SPEN: variants seen among roughly 807,000 people sequenced by gnomAD.
SPEN encodes msx2-interacting protein.
Under a neutral mutation model 269.9 loss-of-function variants are expected in SPEN, and 18 were observed. The observed-to-expected ratio is 0.07, with a 90% CI of 0.05 to 0.10. The LOEUF is 0.10. SPEN is among the 10% of genes least tolerant of loss of function. The probability of loss-of-function intolerance (pLI) is 1.00; values close to 1 mark genes in which losing one functional copy is unlikely to be tolerated. For synonymous variants in SPEN, 1,726 were observed against 1,765.7 expected, an observed-to-expected ratio of 0.98 and a Z score of 0.56; for missense variants, 3,822 against 4,631.2, an observed-to-expected ratio of 0.83 and a Z score of 5.07.
chr1:15,850,885 A>C (rs2070329312), intron 1 of SPEN, among the ~76,000 whole-genome samples: 1 of 152,104 alleles, frequency 6.6e-6, no homozygotes, highest in Non-Finnish European at 1.5e-5. Context: ...TTAAGTGCCT[A>C]CTCTTATCCT....
chr1:15,920,051 C>CTT (rs201292788), intron 8 of SPEN, among the ~76,000 whole-genome samples: 1 of 145,588 alleles, frequency 6.9e-6, no homozygotes. Context: ...CTTGACAATG[C>CTT]TTTTTTTTTT....
intron 1 of SPEN, among the ~76,000 whole-genome samples, chr1:15,863,077 C>T (rs2070463691): frequency 6.6e-6 from 1 of 152,012 alleles, no homozygotes; most frequent in African/African-American, 2.4e-5. Flanking sequence ...CAGCACTTTT[C>T]CCATTCTCAG....
chr1:15,904,607 T>C (rs578026409), intron 3 of SPEN, among the ~76,000 whole-genome samples: 1 of 151,968 alleles, frequency 6.6e-6, no homozygotes, highest in East Asian at 1.9e-4. Context: ...TGTTTCAGAA[T>C]TGGTGTGGTA....
rs148737183 is a variant in SPEN at position 15,931,055 on chromosome 1, A to G, written c.4815A>G (p.Lys1605=). ...AAAAAGAAAAAGACCAGAAACCCAA[A>G]GAGGTTGAGAAACAGGAAGATACAG... ...QKEKEKDQKP[K]EVEKQEDTEN... is the part of the protein sequence containing the mutation. The change falls in exon 11 of 15, where the codon AAA becomes AAG. Residue 1605 remains lysine, a synonymous_variant. Transcript: ENST00000375759. This position sits in a 1 kb window ranked among gnomAD's most constrained non-coding sequence, Gnocchi z 4.8. The G allele has an allele frequency of 7.4e-5, 119 of 1,613,522 alleles. No individual in the cohort carries two copies. Among genetic ancestry groups the G allele is most frequent in the Admixed American group, 1.7e-4 (10 of 59,864 alleles).
intron 4 of SPEN, among the ~76,000 whole-genome samples, chr1:15,910,620 G>GT (rs895370088): frequency 6.9e-5 from 10 of 145,294 alleles, no homozygotes; most frequent in Non-Finnish European, 1.4e-4. Flanking sequence ...CTTTCCTACT[G>GT]TTTTTTGTTT....
intron 2 of SPEN, chr1:15,873,526 T>G: frequency 1.0e-6 from 1 of 997,898 alleles, no homozygotes; most frequent in East Asian, 1.1e-4. Context: ...TCTGGAATAT[T>G]AGAGCCTACA....
rs373872659 is a variant in SPEN, at chr1:15,916,253, A to G, written c.1369A>G (p.Ile457Val). 13 of 1,612,844 alleles carry G rather than the reference A, an allele frequency of 8.1e-6. No homozygotes were observed. In the Admixed American group the frequency reaches 2.0e-4, roughly 25 times the overall value. Residue 457 changes from isoleucine (I) to valine (V), a missense_variant, in exon 6 of 15, where the codon ATC (isoleucine) becomes GTC (valine). Ile to Val is a conservative substitution (Grantham distance 29, BLOSUM62 3). This residue lies in a region of SPEN where 230 missense variants were observed against 426.1 expected (regional missense o/e 0.54). Transcript: ENST00000375759. ...KTTTYHDLRN[I>V]FQRFGEIVDI... ...CACTACTTACCATGACCTTCGCAAC[A>G]TCTTCCAGCGCTTTGGAGAAATTGT...
In SPEN at chr1:15,939,016, C is replaced by T. The variant is rs941079513; in HGVS notation, c.10863+140C>T. The T allele has an allele frequency of 1.5e-5, 17 of 1,164,264 alleles. No individual in the cohort carries two copies. Among genetic ancestry groups the T allele is most frequent in the Non-Finnish European group, 2.0e-5 (17 of 831,438 alleles). The allele number at this position is 1,164,264 out of a possible 1,614,324, so 72.1% of individuals were successfully genotyped here. ...GCATTTTGGACAGAAGTCAGTAGAGCACATGGGGCGGGGCGCCATCACCCA... is the reference window on the plus strand; with the variant it reads ...GCATTTTGGACAGAAGTCAGTAGAGTACATGGGGCGGGGCGCCATCACCCA... On this transcript the variant is annotated intron_variant, in intron 14 of 14. Transcript: ENST00000375759. This position sits in a 1 kb window ranked among gnomAD's most constrained non-coding sequence, Gnocchi z 4.1.
chr1:15,931,301 T>G lies in SPEN; in HGVS notation c.5061T>G (p.Ser1687=). ...TCTCAGAAGAAGCAAAGCCTGCATC[T>G]GAACCTGCTCCTGCCCCTGTGGAAC... ...ATVSEEAKPA[S]EPAPAPVEQL... is the part of the protein sequence containing the mutation. The change falls in exon 11 of 15, where the codon TCT becomes TCG. Residue 1687 remains serine (S), a synonymous_variant. Transcript: ENST00000375759. This position sits in a 1 kb window ranked among gnomAD's most constrained non-coding sequence, Gnocchi z 4.8. 1 of 1,614,196 alleles carries G rather than the reference T, an allele frequency of 6.2e-7. No homozygotes were observed. The highest frequency in any genetic ancestry group is 8.5e-7 in the Non-Finnish European group (1 of 1,180,026).
intron 1 of SPEN, among the ~76,000 whole-genome samples, chr1:15,860,037 G>A (rs1019708067): frequency 1.4e-5 from 2 of 145,940 alleles, no homozygotes; most frequent in African/African-American, 5.1e-5. Flanking sequence ...TCAGCCTCCT[G>A]AGTAGCTGGG....
chr1:15,885,099 A>G (rs1212193020), intron 3 of SPEN, among the ~76,000 whole-genome samples: 1 of 152,210 alleles, frequency 6.6e-6, no homozygotes, highest in Non-Finnish European at 1.5e-5. Flanking sequence ...ATGATCATAG[A>G]AACAAATTTG....
At chr1:15,895,621 A>G (rs2070834335) in intron 3 of SPEN, among the ~76,000 whole-genome samples, 1 of 151,718 alleles carries the variant, frequency 6.6e-6, no homozygotes, top group South Asian at 2.1e-4. Context: ...ATAGTAGTAA[A>G]CTTTAAAACA....
Position 15,931,647 on chromosome 1 carries a change from G to A in SPEN, c.5407G>A (p.Glu1803Lys), listed in dbSNP as rs2071222032. 1.5e-5 allele frequency: 24 copies of A among 1,614,196 alleles called. No individual in the cohort carries two copies. Among genetic ancestry groups the A allele is most frequent in the South Asian group, 2.2e-5 (2 of 91,084 alleles). ...TCCTGAGTCTCAGCCCCCAGCTTCT[G>A]AAGATTTAGAGGTTGATCCTCCAGT... ...AAPESQPPAS[E>K]DLEVDPPVAA... The change falls in exon 11 of 15, where the codon GAA becomes AAA. Residue 1803 changes from glutamate (E) to lysine (K), a missense_variant. Glu to Lys is a moderately conservative substitution (Grantham distance 56). Transcript: ENST00000375759. This position sits in a 1 kb window ranked among gnomAD's most constrained non-coding sequence, Gnocchi z 4.8.
chr1:15,918,138 T>C (rs946355094), intron 6 of SPEN, among the ~76,000 whole-genome samples: 1 of 152,258 alleles, frequency 6.6e-6, no homozygotes, highest in Non-Finnish European at 1.5e-5. Flanking sequence ...TAGACAGTTA[T>C]CTGTTATTTA....
At chr1:15,882,260 G>A (rs192522715) in intron 3 of SPEN, among the ~76,000 whole-genome samples, 17 of 152,196 alleles carry the variant, frequency 1.1e-4, no homozygotes, top group Admixed American at 9.8e-4. Context: ...TTTTAAATGC[G>A]TAAATTCCAC....
rs561201338 is a variant in SPEN, at chr1:15,928,641, A to G, written c.2401A>G (p.Arg801Gly). ...TDKERTFDPE[R>G]VERERRLIRK... The stretch of plus-strand genomic sequence containing the variant: ...TAAAGAACGAACTTTTGATCCGGAG[A>G]GAGTGGAGAGAGAGAGACGCTTAAT... Residue 801 changes from arginine (R) to glycine (G), a missense_variant, in exon 11 of 15, where the codon AGA becomes GGA. Transcript: ENST00000375759. This position sits in a 1 kb window ranked among gnomAD's most constrained non-coding sequence, Gnocchi z 5.7. 1.9e-6 allele frequency: 3 copies of G among 1,614,032 alleles called. No homozygotes were observed. The African/African-American group carries it at 4.0e-5, about 22-fold the overall frequency.
chr1:15,880,684 T>C (rs993907324), intron 3 of SPEN, among the ~76,000 whole-genome samples: 11 of 152,066 alleles, frequency 7.2e-5, no homozygotes, highest in Non-Finnish European at 1.5e-4. Flanking sequence ...CTCGAACTCC[T>C]GACCTCAAGT....
At chr1:15,909,853 C>T (rs1202580199) in intron 4 of SPEN, among the ~76,000 whole-genome samples, 2 of 152,004 alleles carry the variant, frequency 1.3e-5, no homozygotes, top group Non-Finnish European at 2.9e-5. Context: ...GGGCCAGGCG[C>T]GGTGGCTCAT....
intron 10 of SPEN, 145 bp from the exon 11 acceptor site, chr1:15,927,946 A>G: frequency 1.4e-6 from 1 of 729,114 alleles, no homozygotes; most frequent in African/African-American, 1.8e-5. Context: ...TATAGTGGAT[A>G]GCTACTACAA....
Sources: allele counts gnomAD v4.1 joint callset (sites outside exome capture counted in the v4.1 genomes callset), GRCh38; gene constraint gnomAD v4.1.1; regional missense constraint gnomAD v4.1.1; non-coding constraint Gnocchi (gnomAD v3.1); transcripts MANE v1.5; gene names NCBI Gene and HGNC (gene_info 2026-07-23, HGNC 2026-07-21).